Variants in PPP1R1C observed in about 807,000 individuals in gnomAD.
PPP1R1C encodes protein phosphatase 1 regulatory subunit 1C.
In PPP1R1C, 15 loss-of-function variants were observed where a neutral mutation model predicts 17.4. The observed-to-expected ratio is 0.86, with a 90% CI of 0.58 to 1.33. The LOEUF is 1.33. PPP1R1C is among the 40% of genes most tolerant of loss of function. The pLI is 0.00. For synonymous variants in PPP1R1C, 35 were observed against 43.1 expected (o/e 0.81, Z 0.73); for missense variants, 143 against 130.0 (o/e 1.10, Z -0.48).
intron 2 of PPP1R1C, among the ~76,000 whole-genome samples, chr2:181,998,642 C>G (rs927589938): frequency 4.6e-5 from 7 of 152,200 alleles, no homozygotes; most frequent in African/African-American, 1.7e-4. Flanking sequence ...TACCACTTAA[C>G]TTCCTCCTTT....
chr2:181,966,608 A>G (rs1008386353), intron 1 of PPP1R1C, among the ~76,000 whole-genome samples: 11 of 152,114 alleles, frequency 7.2e-5, no homozygotes, highest in Non-Finnish European at 1.3e-4. Context: ...GATGTATCAC[A>G]TTCATTGATT....
chr2:182,102,409 C>G (rs1689124091), intron 4 of PPP1R1C, among the ~76,000 whole-genome samples: 1 of 152,166 alleles, frequency 6.6e-6, no homozygotes, highest in Non-Finnish European at 1.5e-5. Context: ...GCCGCACATT[C>G]TCAATGATCT....
chr2:181,959,031 C>T (rs1003850628), intron 1 of PPP1R1C, among the ~76,000 whole-genome samples: 6 of 152,150 alleles, frequency 3.9e-5, no homozygotes, highest in South Asian at 4.1e-4. Context: ...ATATGTTAAG[C>T]GTTAGTATAA....
chr2:181,979,457 C>A (rs1685154879), intron 2 of PPP1R1C, among the ~76,000 whole-genome samples: 1 of 152,122 alleles, frequency 6.6e-6, no homozygotes, highest in Non-Finnish European at 1.5e-5. Flanking sequence ...TGACCCATTC[C>A]AATCTACTTC....
chr2:182,098,075 T>A (rs1295848187), intron 4 of PPP1R1C, among the ~76,000 whole-genome samples: 1 of 152,100 alleles, frequency 6.6e-6, no homozygotes, highest in African/African-American at 2.4e-5. Flanking sequence ...TTTACACGTG[T>A]AATAATCCTA....
intron 4 of PPP1R1C, among the ~76,000 whole-genome samples, chr2:182,083,476 T>C (rs1688539873): frequency 6.6e-6 from 1 of 152,196 alleles, no homozygotes; most frequent in Non-Finnish European, 1.5e-5. Context: ...CTTGTGGACC[T>C]ATAGCTTAGC....
At chr2:182,097,476 A>C (rs1005679537) in intron 4 of PPP1R1C, among the ~76,000 whole-genome samples, 1 of 152,178 alleles carries the variant, frequency 6.6e-6, no homozygotes, top group Non-Finnish European at 1.5e-5. Context: ...ACAAACAACC[A>C]CATACACACC....
chr2:182,110,440 T>C (rs1689383122), intron 4 of PPP1R1C, among the ~76,000 whole-genome samples: 1 of 152,176 alleles, frequency 6.6e-6, no homozygotes, highest in Non-Finnish European at 1.5e-5. Flanking sequence ...GTATGCTAGC[T>C]CTGTTGCTAT....
At chr2:182,045,999 A>G (rs1049669461) in intron 2 of PPP1R1C, among the ~76,000 whole-genome samples, 3 of 152,156 alleles carry the variant, frequency 2.0e-5, no homozygotes, top group Admixed American at 6.6e-5. Context: ...TTACCTTAAT[A>G]TACATATGCA....
chr2:182,009,936 G>T (rs1686041601), intron 2 of PPP1R1C, among the ~76,000 whole-genome samples: 1 of 151,860 alleles, frequency 6.6e-6, no homozygotes, highest in South Asian at 2.1e-4. Context: ...TTCACTGTAG[G>T]TGTGTGGATT....
At chr2:182,079,529 A>G (rs960264566) in intron 4 of PPP1R1C, among the ~76,000 whole-genome samples, 12 of 152,176 alleles carry the variant, frequency 7.9e-5, no homozygotes, top group Non-Finnish European at 1.8e-4. Context: ...GTTCCATTTA[A>G]CTGTCTGACC....
chr2:182,029,062 T>G (rs1001969267), intron 2 of PPP1R1C, among the ~76,000 whole-genome samples: 1 of 145,214 alleles, frequency 6.9e-6, no homozygotes, highest in Non-Finnish European at 1.5e-5. Flanking sequence ...TTCCCTTGGC[T>G]TGGTAGATCT....
At chr2:182,025,228 T>A (rs1036785039) in intron 2 of PPP1R1C, among the ~76,000 whole-genome samples, 1 of 148,070 alleles carries the variant, frequency 6.8e-6, no homozygotes, top group African/African-American at 2.5e-5. Flanking sequence ...TTTATTATAC[T>A]TTAAGTTTTA....
chr2:182,063,828 G>C (rs1196161), intron 4 of PPP1R1C, 37 bp downstream of exon 4: 1,465,638 of 1,538,152 alleles, frequency 0.95, 699,328 homozygotes, highest in Non-Finnish European at 0.97. Flanking sequence ...GTCATGAGTG[G>C]TGAATCATGG....
At chr2:182,110,736 T>C (rs1689392783) in intron 4 of PPP1R1C, among the ~76,000 whole-genome samples, 1 of 152,200 alleles carries the variant, frequency 6.6e-6, no homozygotes, top group Non-Finnish European at 1.5e-5. Flanking sequence ...TGCTGATCGA[T>C]GCATTCTTTA....
chr2:182,092,195 G>A lies in PPP1R1C; in HGVS notation c.242-25012G>A, dbSNP rs575873308. 3.6e-4 allele frequency among the ~76,000 whole-genome samples: 55 copies of A among 152,214 alleles called. 1 individual carries two copies. The South Asian group carries it at 0.011, about 31-fold the overall frequency. ...TTGGACTTACAGTTCCACATGGCTG[G>A]GGAGGCCTCAGAATCATGGTTAGCA... On this transcript the variant is annotated intron_variant, in intron 4 of 4. Coordinates refer to ENST00000682840, the MANE Select transcript of PPP1R1C (RefSeq NM_001080545.3).
At chr2:182,038,965 T>C (rs1177222106) in intron 2 of PPP1R1C, among the ~76,000 whole-genome samples, 1 of 152,208 alleles carries the variant, frequency 6.6e-6, no homozygotes, top group Non-Finnish European at 1.5e-5. Flanking sequence ...TTCACTCCCT[T>C]TTATTTAAAC....
intron 2 of PPP1R1C, among the ~76,000 whole-genome samples, chr2:182,046,172 G>C (rs919658455): frequency 6.8e-6 from 1 of 146,794 alleles, no homozygotes; most frequent in Non-Finnish European, 1.5e-5. Context: ...TTCATGGTAA[G>C]AGTACCTAAA....
intron 4 of PPP1R1C, among the ~76,000 whole-genome samples, chr2:182,078,845 A>G (rs1298008417): frequency 2.0e-5 from 3 of 152,124 alleles, no homozygotes; most frequent in South Asian, 2.1e-4. Flanking sequence ...AGTAAACACT[A>G]CTCCTGAGAA....
Sources: gnomAD v4.1 joint callset for allele counts (sites outside exome capture counted in the v4.1 genomes callset) on GRCh38, gnomAD v4.1.1 for gene constraint, MANE v1.5 for transcripts, NCBI Gene and HGNC (gene_info 2026-07-23, HGNC 2026-07-21) for gene names.